The following ZDHHC9 variants were observed in gnomAD, a reference collection of about 807,000 sequenced individuals.
ZDHHC9 encodes palmitoyltransferase ZDHHC9.
ZDHHC9 carries 3 observed loss-of-function variants against 26.6 expected under a neutral mutation model. The ratio of observed to expected loss-of-function variants is 0.11; its 90% confidence interval spans 0.05 to 0.29. ZDHHC9 has a LOEUF of 0.29. ZDHHC9 is among the 10% of genes least tolerant of loss of function. ZDHHC9 has a pLI of 1.00. For synonymous variants in ZDHHC9, 111 were observed against 109.4 expected, an observed-to-expected ratio of 1.01 and a Z score of -0.09; for missense variants, 146 against 296.4, an observed-to-expected ratio of 0.49 and a Z score of 3.73.
chrX:129,816,746 A>G (rs766922879), intron 5 of ZDHHC9, among the ~76,000 whole-genome samples: 2 of 111,791 alleles, frequency 1.8e-5, no homozygotes, highest in African/African-American at 6.5e-5. Flanking sequence ...GAACCTTCCC[A>G]GAAAGCAATT....
chrX:129,807,339 G>A (rs1414406667), intron 10 of ZDHHC9, among the ~76,000 whole-genome samples: 2 of 108,377 alleles, frequency 1.8e-5, no homozygotes, highest in Admixed American at 9.8e-5. Flanking sequence ...CCAGCTACTC[G>A]GGAGGCTGAG....
intron 3 of ZDHHC9, among the ~76,000 whole-genome samples, chrX:129,835,787 G>GA (rs1190274255): frequency 4.7e-5 from 5 of 106,872 alleles, no homozygotes; most frequent in South Asian, 4.0e-4. Context: ...CCGTCTCAAA[G>GA]AAAAAAAAAG....
intron 3 of ZDHHC9, among the ~76,000 whole-genome samples, chrX:129,838,311 G>A: frequency 8.9e-6 from 1 of 111,742 alleles, no homozygotes; most frequent in Non-Finnish European, 1.9e-5. Flanking sequence ...AAGAGGCTTA[G>A]TGAATATTTG....
intron 3 of ZDHHC9, among the ~76,000 whole-genome samples, chrX:129,835,644 G>A (rs1047131401): frequency 1.8e-5 from 2 of 110,075 alleles, no homozygotes; most frequent in Non-Finnish European, 3.8e-5. Context: ...TTAGCAAGGC[G>A]TGGTGGCGCA....
intron 6 of ZDHHC9, 99 bp downstream of exon 6, chrX:129,814,559 C>CAATGGTACCACCA: frequency 8.9e-7 from 1 of 1,126,314 alleles, no homozygotes; most frequent in Non-Finnish European, 1.2e-6. Flanking sequence ...GTACCTTTCA[C>CAATGGTACCACCA]AATGGTACCA....
chrX:129,808,066 A>T (rs900466581), intron 10 of ZDHHC9, among the ~76,000 whole-genome samples: 1 of 112,305 alleles, frequency 8.9e-6, no homozygotes, highest in African/African-American at 3.2e-5. Flanking sequence ...AAGAAATCAA[A>T]TCATACCTAA....
At position 129,805,873 on chromosome X, in the gene ZDHHC9, G is replaced by A. The variant is rs1270558667; in HGVS notation, c.*497C>T. The A allele has an allele frequency of 1.7e-5, 2 of 119,803 alleles. No individual in the cohort carries two copies. Among genetic ancestry groups the A allele is most frequent in the African/African-American group, 6.6e-5 (2 of 30,487 alleles). 9.9% of individuals were successfully genotyped at this position (119,803 alleles called of 1,213,427 possible). On this transcript the variant is annotated 3_prime_UTR_variant, in exon 11 of 11. Coordinates refer to ENST00000357166, the MANE Select transcript of ZDHHC9 (RefSeq NM_016032.4). The stretch of plus-strand genomic sequence containing the variant: ...CAATGCTGGCACTTGGTGGCCAGGA[G>A]AATCTTCTGACCCCACTCTCCCTCC...
At chrX:129,829,384 AC>A (rs779861456) in intron 3 of ZDHHC9, among the ~76,000 whole-genome samples, 7 of 111,155 alleles carry the variant, frequency 6.3e-5, no homozygotes, top group Non-Finnish European at 1.1e-4. Flanking sequence ...ACACTCTCTT[AC>A]CCCCAAGTCC....
chrX:129,810,823 A>G lies in ZDHHC9; in HGVS notation c.978+82T>C, dbSNP rs7883984. The G allele has an allele frequency of 2.7e-3, 2,359 of 866,331 alleles. 37 individuals are homozygous for G. In the African/African-American group the frequency reaches 0.042, roughly 16 times the overall value. 71.4% of individuals were successfully genotyped at this position (866,331 alleles called of 1,213,427 possible). ...GGGAAGCTGGGGTGATTAGAATACA[A>G]TATTGCCTAATTATATTTCCAAGCT... On this transcript the variant is annotated intron_variant, in intron 10 of 10. Coordinates refer to ENST00000357166, the MANE Select transcript of ZDHHC9 (RefSeq NM_016032.4).
At position 129,806,300 on chromosome X, in the gene ZDHHC9, G is replaced by T; in HGVS notation, c.*70C>A. ...ACAGCTTACTTGCTCTCTGTCTCAGGTTTAACTTCTCACCTGAAATCTCTC... is the reference window on the plus strand; with the variant it reads ...ACAGCTTACTTGCTCTCTGTCTCAGTTTTAACTTCTCACCTGAAATCTCTC... On this transcript the variant is annotated 3_prime_UTR_variant, in exon 11 of 11. Transcript: ENST00000357166. 1.0e-6 allele frequency: 1 copy of T among 969,273 alleles called. No homozygotes were observed. The highest frequency in any genetic ancestry group is 1.5e-6 in the Non-Finnish European group (1 of 674,789). 79.9% of individuals were successfully genotyped at this position (969,273 alleles called of 1,213,427 possible). A position where few individuals can be genotyped will look rare whatever the true frequency, so the allele number is the denominator to read the frequency against.
chrX:129,825,631 T>A (rs1029998304), intron 4 of ZDHHC9, among the ~76,000 whole-genome samples: 2 of 111,337 alleles, frequency 1.8e-5, no homozygotes, highest in African/African-American at 6.5e-5. Flanking sequence ...ATTTAAAACA[T>A]TACAGAGAAA....
At chrX:129,813,916 T>C (rs1288159565) in intron 6 of ZDHHC9, among the ~76,000 whole-genome samples, 191 bp from the exon 7 acceptor site, 1 of 112,334 alleles carries the variant, frequency 8.9e-6, no homozygotes, top group African/African-American at 3.2e-5. Context: ...AGAGTTCACA[T>C]TTCCAGTGCA....
intron 10 of ZDHHC9, among the ~76,000 whole-genome samples, 158 bp downstream of exon 10, chrX:129,810,747 A>G (rs780860468): frequency 2.7e-5 from 3 of 112,197 alleles, no homozygotes; most frequent in Non-Finnish European, 5.6e-5. Context: ...ATCTTAATCT[A>G]CATCAAGGAC....
chrX:129,806,534 T>C, intron 10 of ZDHHC9, 48 bp from the exon 11 acceptor site: 1 of 1,095,444 alleles, frequency 9.1e-7, no homozygotes, highest in Non-Finnish European at 1.3e-6. Context: ...TTCCTCAAAA[T>C]CCAAATGCAG....
At chrX:129,833,704 A>G (rs1928197857) in intron 3 of ZDHHC9, among the ~76,000 whole-genome samples, 1 of 112,161 alleles carries the variant, frequency 8.9e-6, no homozygotes, top group Non-Finnish European at 1.9e-5. Context: ...AATATGAAAC[A>G]GCTAAAGAAT....
intron 3 of ZDHHC9, among the ~76,000 whole-genome samples, chrX:129,832,573 G>A (rs1253753574): frequency 9.0e-6 from 1 of 110,725 alleles, no homozygotes; most frequent in Non-Finnish European, 1.9e-5. Flanking sequence ...CACAAGGTCA[G>A]GAGATCAAGA....
chrX:129,807,775 C>T (rs992445780), intron 10 of ZDHHC9, among the ~76,000 whole-genome samples: 10 of 110,892 alleles, frequency 9.0e-5, no homozygotes, highest in Non-Finnish European at 1.3e-4. Context: ...GCCAAGATGG[C>T]GCTGCCGCAC....
Position 129,806,523 on chromosome X carries a change from G to C in ZDHHC9, c.979-37C>G, listed in dbSNP as rs1202639720. On this transcript the variant is annotated intron_variant, in intron 10 of 10. Transcript: ENST00000357166. ...AAGATATGAGATTCAACACAAAGCT[G>C]TTCCTCAAAATCCAAATGCAGATAA... 3.5e-6 allele frequency: 4 copies of C among 1,135,633 alleles called. No individual in the cohort carries two copies. The South Asian group carries it at 7.3e-5, about 21-fold the overall frequency. 93.6% of individuals were successfully genotyped at this position (1,135,633 alleles called of 1,213,427 possible).
Position 129,831,483 on chromosome X carries a change from C to T in ZDHHC9, c.168-2342G>A, listed in dbSNP as rs140941839. ...AAAAAATTCTAAATTAATGCTGCCC[C>T]GCTGCACAGAAGGACCCGAGCTTAA... On this transcript the variant is annotated intron_variant, in intron 3 of 10. Transcript: ENST00000357166. Among the ~76,000 whole-genome samples, 435 of 111,667 alleles carry T rather than the reference C, an allele frequency of 3.9e-3. 1 individual carries two copies. The highest frequency in any genetic ancestry group is 0.014 in the Middle Eastern group (3 of 218).
Sources: allele counts gnomAD v4.1 joint callset (sites outside exome capture counted in the v4.1 genomes callset), GRCh38; gene constraint gnomAD v4.1.1; transcripts MANE v1.5; gene names NCBI Gene and HGNC (gene_info 2026-07-23, HGNC 2026-07-21).